The following MAD1L1 variants were observed in gnomAD, a reference collection of about 807,000 sequenced individuals.
MAD1L1 encodes the protein mitotic arrest deficient 1 like 1.
A neutral mutation model predicts 96.9 loss-of-function variants in MAD1L1; 95 were observed. The ratio of observed to expected loss-of-function variants is 0.98; its 90% CI spans 0.83 to 1.16. The LOEUF is 1.16. Among genes scored for constraint, MAD1L1 ranks in the 50% most tolerant of loss-of-function variants. The pLI, the probability that MAD1L1 is intolerant of heterozygous loss-of-function variation, is 0.00. For missense variants in MAD1L1, 1,007 were observed against 954.4 expected (o/e 1.06, Z -0.73); for synonymous variants, 473 against 396.6 (o/e 1.19, Z -2.29).
At chr7:2,112,228 C>A (rs767760461) in intron 11 of MAD1L1, among the ~76,000 whole-genome samples, 1 of 152,090 alleles carries the variant, frequency 6.6e-6, no homozygotes, top group Non-Finnish European at 1.5e-5. Context: ...GGTGGTGGGG[C>A]CGCAAGTCAG....
At chr7:2,034,737 A>AGATT (rs1262151654) in intron 12 of MAD1L1, among the ~76,000 whole-genome samples, 3 of 152,204 alleles carry the variant, frequency 2.0e-5, no homozygotes, top group African/African-American at 7.2e-5. Flanking sequence ...GTTGGCTGAT[A>AGATT]GATTGGCTGA....
intron 10 of MAD1L1, among the ~76,000 whole-genome samples, chr7:2,202,633 A>G (rs967858849): frequency 6.6e-6 from 1 of 152,096 alleles, no homozygotes; most frequent in Non-Finnish European, 1.5e-5. Context: ...TCCTCCTCCC[A>G]TGCCCCAAAG....
intron 11 of MAD1L1, among the ~76,000 whole-genome samples, chr7:2,075,601 GCT>G (rs983056884): frequency 2.6e-5 from 4 of 152,020 alleles, no homozygotes; most frequent in Admixed American, 1.3e-4. Context: ...TCAATCAATG[GCT>G]CTCTGAGCCA....
chr7:2,220,859 T>A, intron 5 of MAD1L1: 1 of 1,585,770 alleles, frequency 6.3e-7, no homozygotes, highest in Non-Finnish European at 8.6e-7. Flanking sequence ...CTCCCAGAGG[T>A]CTTCCGAACT....
chr7:2,039,347 G>A (rs1022113341), intron 12 of MAD1L1, among the ~76,000 whole-genome samples: 25 of 152,300 alleles, frequency 1.6e-4, no homozygotes, highest in Admixed American at 1.0e-3. Context: ...GGTTTTGTCC[G>A]AACCTCGGTT....
chr7:2,208,509 A>G (rs1384380739), intron 10 of MAD1L1, among the ~76,000 whole-genome samples: 1 of 152,122 alleles, frequency 6.6e-6, no homozygotes, highest in Non-Finnish European at 1.5e-5. Flanking sequence ...TCCACCTTGT[A>G]TTATATCAGC....
chr7:1,938,912 CACACACACACACACACAT>C (rs1386460553), intron 16 of MAD1L1, among the ~76,000 whole-genome samples: 3 of 141,046 alleles, frequency 2.1e-5, no homozygotes, highest in South Asian at 4.8e-4. Context: ...CGCACACACA[CACACACACACACACACAT>C]ACAGGCCAGG....
rs570729197 is a variant in MAD1L1 at position 1,960,071 on chromosome 7, G to A, written c.1506-2352C>T. 2.6e-5 allele frequency among the ~76,000 whole-genome samples: 4 copies of A among 152,284 alleles called. No individual in the cohort carries two copies. The South Asian group carries it at 8.3e-4, about 32-fold the overall frequency. On this transcript the variant is annotated intron_variant, in intron 15 of 18. Coordinates refer to ENST00000265854, the MANE Select transcript of MAD1L1 (RefSeq NM_001013836.2). ...AAAACCAACACTGTGGCTGTAAGGT[G>A]ATTATACTGTGTGTGAGAAGACGTA...
At position 2,076,160 on chromosome 7, in the gene MAD1L1, G is replaced by A. The variant is rs573629140; in HGVS notation, c.1074-6822C>T. ...GTGTGGATCCACAGGGTATGAAGAC[G>A]CCTCCACAGCCACGCCCGGGCCCAG... On this transcript the variant is annotated intron_variant, in intron 11 of 18. Coordinates refer to ENST00000265854, the MANE Select transcript of MAD1L1 (RefSeq NM_001013836.2). 4.6e-5 allele frequency among the ~76,000 whole-genome samples: 7 copies of A among 152,272 alleles called. No individual in the cohort carries two copies. In the South Asian group the frequency reaches 1.2e-3, roughly 27 times the overall value.
chr7:1,869,201 C>T (rs981174636), intron 18 of MAD1L1, among the ~76,000 whole-genome samples: 1 of 152,172 alleles, frequency 6.6e-6, no homozygotes, highest in Non-Finnish European at 1.5e-5. Flanking sequence ...ACACACGCTG[C>T]TGTGGGGGCC....
intron 10 of MAD1L1, among the ~76,000 whole-genome samples, chr7:2,195,663 G>A (rs948570693): frequency 1.3e-5 from 2 of 152,206 alleles, no homozygotes; most frequent in Non-Finnish European, 2.9e-5. Flanking sequence ...AGCCACCTCC[G>A]CGAACAAGAT....
In MAD1L1 at chr7:1,822,586, C is replaced by G. The variant is rs548019218; in HGVS notation, c.1999-6358G>C. Among the ~76,000 whole-genome samples, 114 of 151,932 alleles carry G rather than the reference C, an allele frequency of 7.5e-4. 1 individual carries two copies. The highest frequency in any genetic ancestry group is 2.6e-3 in the African/African-American group (106 of 41,490). On this transcript the variant is annotated intron_variant, in intron 18 of 18. Transcript: ENST00000265854. Reference sequence around the variant, plus strand: ...GTAACTACAGGTGCGCACCACCACTCATGGCTGTATTTTTTTCATAGAGAT... The same window carrying G: ...GTAACTACAGGTGCGCACCACCACTGATGGCTGTATTTTTTTCATAGAGAT...
intron 17 of MAD1L1, among the ~76,000 whole-genome samples, chr7:1,933,752 C>T (rs1039255539): frequency 1.3e-5 from 2 of 152,288 alleles, no homozygotes; most frequent in East Asian, 1.9e-4. Context: ...TCCCGGGGAG[C>T]GGCAACTGCC....
At chr7:1,987,698 G>A (rs951758780) in intron 14 of MAD1L1, among the ~76,000 whole-genome samples, 4 of 152,190 alleles carry the variant, frequency 2.6e-5, no homozygotes, top group African/African-American at 4.8e-5. Context: ...CGGCAGCCCC[G>A]GCTCCACGTC....
intron 10 of MAD1L1, among the ~76,000 whole-genome samples, chr7:2,158,190 C>T (rs561181385): frequency 1.3e-5 from 2 of 152,232 alleles, no homozygotes; most frequent in Non-Finnish European, 2.9e-5. Flanking sequence ...CAGCTGCACG[C>T]AGAGCAGCAG....
intron 18 of MAD1L1, among the ~76,000 whole-genome samples, chr7:1,878,856 G>A (rs148434879): frequency 4.0e-5 from 6 of 151,786 alleles, no homozygotes; most frequent in African/African-American, 7.3e-5. Context: ...TTATGCACAC[G>A]ATACAATTGT....
chr7:1,890,076 C>G (rs1189974007), intron 18 of MAD1L1, among the ~76,000 whole-genome samples: 3 of 152,246 alleles, frequency 2.0e-5, no homozygotes, highest in African/African-American at 7.2e-5. Context: ...AATGGGGAAT[C>G]ATCTCCTGGG....
intron 12 of MAD1L1, among the ~76,000 whole-genome samples, chr7:2,047,919 T>C (rs7811367): frequency 0.084 from 12,720 of 151,918 alleles, 1,721 homozygotes; most frequent in African/African-American, 0.28. Flanking sequence ...CAATGCACAG[T>C]TCACACAGAT....
At chr7:1,845,526 G>A (rs190277396) in intron 18 of MAD1L1, 15 of 66,650 alleles carry the variant, frequency 2.3e-4, no homozygotes, top group South Asian at 1.1e-3. Flanking sequence ...GGAGATGGAC[G>A]TGCTCCACGC....
Sources: allele counts gnomAD v4.1 joint callset (sites outside exome capture counted in the v4.1 genomes callset), GRCh38; gene constraint gnomAD v4.1.1; transcripts MANE v1.5; gene names NCBI Gene and HGNC (gene_info 2026-07-23, HGNC 2026-07-21).